IGF1: variants seen among roughly 807,000 people sequenced by gnomAD.
The protein encoded by IGF1 is insulin-like growth factor 1.
IGF1 carries 4 observed loss-of-function variants against 13.8 expected under a neutral mutation model. The observed-to-expected ratio is 0.29, with a 90% CI of 0.14 to 0.66. The LOEUF (loss-of-function observed/expected upper bound fraction) is 0.66, where lower values mean the gene tolerates loss of function less well. Ranked by LOEUF, IGF1 falls within the 30% of genes least tolerant of loss-of-function variation. IGF1 has a pLI of 0.78. For synonymous variants in IGF1, 76 were observed against 72.6 expected (o/e 1.05, Z -0.23); for missense variants, 124 against 188.5 (o/e 0.66, Z 2.00).
chr12:102,412,136 T>TA (rs975275528), intron 3 of IGF1, among the ~76,000 whole-genome samples: 2 of 152,108 alleles, frequency 1.3e-5, no homozygotes, highest in African/African-American at 4.8e-5. Flanking sequence ...AAAGATACAA[T>TA]AAAAAGAAAA....
At chr12:102,418,014 C>G (rs776101596) in intron 3 of IGF1, 4 of 1,602,520 alleles carry the variant, frequency 2.5e-6, no homozygotes, top group Non-Finnish European at 3.4e-6. Flanking sequence ...CTGTAAACAT[C>G]ACAAAAATAA....
In IGF1 at chr12:102,475,789, T is replaced by C. The variant is rs1456921756; in HGVS notation, c.74A>G (p.His25Arg). ...CFCDFLKVKM[H>R]TMSSSHLFYL... ...GAAGAGATGCGAGGAGGACATGGTGTGCATCTTCACCTGCCCAAGAAACAG... is the reference window on the plus strand; with the variant it reads ...GAAGAGATGCGAGGAGGACATGGTGCGCATCTTCACCTGCCCAAGAAACAG... The change falls in exon 2 of 4, where the codon CAC becomes CGC. Residue 25 changes from histidine (H) to arginine (R), a missense_variant. Physicochemically the swap from His to Arg is conservative, Grantham distance 29. Transcript: ENST00000337514. 1 of 1,613,260 alleles carries C rather than the reference T, an allele frequency of 6.2e-7. No individual in the cohort carries two copies. Among genetic ancestry groups the C allele is most frequent in the African/African-American group, 1.3e-5 (1 of 74,896 alleles).
chr12:102,398,086 T>TAAAAAAAAAAAAAA lies in IGF1; in HGVS notation c.*4407_*4420dup, dbSNP rs71303538. 3.2e-5 allele frequency: 4 copies of TAAAAAAAAAAAAAA among 126,752 alleles called. No homozygotes were observed. Among genetic ancestry groups the TAAAAAAAAAAAAAA allele is most frequent in the East Asian group, 2.2e-4 (1 of 4,462 alleles). 7.9% of individuals were successfully genotyped at this position (126,752 alleles called of 1,614,324 possible). A position where few individuals can be genotyped will look rare whatever the true frequency, so the allele number is the denominator to read the frequency against. Reference sequence around the variant, plus strand: ...AGAAATTCATAAAGACTGTATAAAGTAAAAAAAAAAAAAAAACAAAAACAA... The same window carrying TAAAAAAAAAAAAAA: ...AGAAATTCATAAAGACTGTATAAAGTAAAAAAAAAAAAAAAAAAAAAAAAAAAAAACAAAAACAA... On this transcript the variant is annotated 3_prime_UTR_variant, in exon 4 of 4. Coordinates refer to ENST00000337514, the MANE Select transcript of IGF1 (RefSeq NM_000618.5).
At chr12:102,434,907 G>A (rs1877088700) in intron 2 of IGF1, among the ~76,000 whole-genome samples, 2 of 152,134 alleles carry the variant, frequency 1.3e-5, no homozygotes, top group South Asian at 4.2e-4. Flanking sequence ...GTGATGATGA[G>A]CATTTTTTCA....
At chr12:102,456,535 A>G (rs748450580) in intron 2 of IGF1, among the ~76,000 whole-genome samples, 4 of 152,152 alleles carry the variant, frequency 2.6e-5, no homozygotes, top group Non-Finnish European at 5.9e-5. Flanking sequence ...TAATTGACAT[A>G]AATGATAGTC....
intron 2 of IGF1, among the ~76,000 whole-genome samples, chr12:102,441,956 T>TCCTTCTCCTTCTCC (rs1877880601): frequency 7.1e-6 from 1 of 140,486 alleles, no homozygotes; most frequent in Admixed American, 7.4e-5. Flanking sequence ...CTTCTTCTTC[T>TCCTTCTCCTTCTCC]TTTTTTTTTT....
At chr12:102,428,732 G>A (rs1229890671) in intron 2 of IGF1, among the ~76,000 whole-genome samples, 1 of 152,224 alleles carries the variant, frequency 6.6e-6, no homozygotes, top group Non-Finnish European at 1.5e-5. Context: ...CAGGAGGACT[G>A]TTAATATTGT....
At chr12:102,457,150 A>G (rs1009679698) in intron 2 of IGF1, among the ~76,000 whole-genome samples, 1 of 152,154 alleles carries the variant, frequency 6.6e-6, no homozygotes, top group African/African-American at 2.4e-5. Context: ...TTGATATCCA[A>G]TGTTGTCATG....
intron 2 of IGF1, among the ~76,000 whole-genome samples, chr12:102,450,873 T>C (rs1350716875): frequency 6.6e-6 from 1 of 152,234 alleles, no homozygotes; most frequent in Non-Finnish European, 1.5e-5. Flanking sequence ...TAATTGAAGA[T>C]AGGATTTGGG....
intron 2 of IGF1, among the ~76,000 whole-genome samples, chr12:102,450,806 A>G (rs1878853744): frequency 6.6e-6 from 1 of 152,238 alleles, no homozygotes. Flanking sequence ...GATTTCAATA[A>G]TACTTTGGGC....
chr12:102,427,109 A>T (rs536345279), intron 2 of IGF1, among the ~76,000 whole-genome samples: 1 of 152,194 alleles, frequency 6.6e-6, no homozygotes, highest in Admixed American at 6.5e-5. Context: ...TCACTACTCC[A>T]TCTTGGACCC....
At chr12:102,451,667 C>T (rs1476924852) in intron 2 of IGF1, among the ~76,000 whole-genome samples, 2 of 152,192 alleles carry the variant, frequency 1.3e-5, no homozygotes, top group Non-Finnish European at 2.9e-5. Context: ...AGGGATCTCT[C>T]CCTTCCTTGC....
At chr12:102,418,706 A>G (rs1266384970) in intron 3 of IGF1, among the ~76,000 whole-genome samples, 1 of 151,970 alleles carries the variant, frequency 6.6e-6, no homozygotes, top group African/African-American at 2.4e-5. Flanking sequence ...TCTTATATTC[A>G]TTTGTTCATT....
At chr12:102,432,106 G>A (rs1876790067) in intron 2 of IGF1, among the ~76,000 whole-genome samples, 1 of 152,156 alleles carries the variant, frequency 6.6e-6, no homozygotes, top group Non-Finnish European at 1.5e-5. Flanking sequence ...TTCTCATCCA[G>A]ATACATACAT....
intron 2 of IGF1, among the ~76,000 whole-genome samples, chr12:102,452,033 C>A (rs1455501404): frequency 6.6e-6 from 1 of 152,152 alleles, no homozygotes; most frequent in South Asian, 2.1e-4. Flanking sequence ...GAGGCCGAGG[C>A]GGGCGGATCA....
intron 2 of IGF1, among the ~76,000 whole-genome samples, chr12:102,470,569 G>T (rs1004867450): frequency 6.6e-6 from 1 of 152,100 alleles, no homozygotes; most frequent in African/African-American, 2.4e-5. Context: ...TGAGGCCAGG[G>T]TCATAAGGTC....
rs540644642 is a variant in IGF1, at chr12:102,436,802, C to T, written c.221-17112G>A. 6.2e-4 allele frequency among the ~76,000 whole-genome samples: 95 copies of T among 152,216 alleles called. No homozygotes were observed. The Middle Eastern group carries it at 0.017, about 27-fold the overall frequency. ...ACTGAGGAAACAGGGTTAATTAATC[C>T]AACTGATTCCATACATAAGTGGCAG... On this transcript the variant is annotated intron_variant, in intron 2 of 3. Transcript: ENST00000337514.
intron 2 of IGF1, among the ~76,000 whole-genome samples, chr12:102,437,670 G>A (rs1565981962): frequency 6.6e-6 from 1 of 152,186 alleles, no homozygotes; most frequent in African/African-American, 2.4e-5. Context: ...CAAAGTTACA[G>A]TTAGACAAGA....
At chr12:102,415,622 C>T (rs1463131381) in intron 3 of IGF1, 1 of 143,902 alleles carries the variant, frequency 6.9e-6, no homozygotes, top group Non-Finnish European at 1.5e-5. Context: ...CTCCTTCCTT[C>T]CTTCTTCTCT....
Sources: gnomAD v4.1 joint callset for allele counts (sites outside exome capture counted in the v4.1 genomes callset) on GRCh38, gnomAD v4.1.1 for gene constraint, MANE v1.5 for transcripts, NCBI Gene and HGNC (gene_info 2026-07-23, HGNC 2026-07-21) for gene names.